Variants in GAB1 observed in about 807,000 individuals in gnomAD.
GAB1 encodes GRB2 associated binding protein 1, also known as GRB2-associated-binding protein 1.
In GAB1, 19 loss-of-function variants were observed where a neutral mutation model predicts 66.5. The observed-to-expected ratio is 0.29, with a 90% CI of 0.20 to 0.42. The LOEUF (loss-of-function observed/expected upper bound fraction) is 0.42, where lower values mean the gene tolerates loss of function less well. GAB1 is among the 10% of genes least tolerant of loss of function. The pLI, the probability that GAB1 is intolerant of heterozygous loss-of-function variation, is 1.00. For synonymous variants in GAB1, 294 were observed against 301.4 expected, an observed-to-expected ratio of 0.98 and a Z score of 0.25; for missense variants, 732 against 858.5, an observed-to-expected ratio of 0.85 and a Z score of 1.84.
Position 143,466,115 on chromosome 4 carries a change from A to C in GAB1, c.1816A>C (p.Ser606Arg). The C allele has an allele frequency of 1.2e-6, 2 of 1,613,742 alleles. No individual in the cohort carries two copies. The highest frequency in any genetic ancestry group is 1.7e-6 in the Non-Finnish European group (2 of 1,179,752). ...CTAATACTTTCAGAATCTCTTTGGC[A>C]GTAACAGTCTTGATGGAGGAAGCAG... The part of the protein sequence containing the change: ...LSSEDPNLFG[S>R]NSLDGGSSPM... The change falls in exon 9 of 10, where the codon AGT (serine) becomes CGT (arginine). Residue 606 changes from serine (S) to arginine (R), a missense_variant. This residue lies in a region of GAB1 where 204 missense variants were observed against 276.8 expected (regional missense o/e 0.74). Coordinates refer to ENST00000262994, the MANE Select transcript of GAB1 (RefSeq NM_002039.4).
chr4:143,460,661 A>C (rs1735442367), intron 8 of GAB1, among the ~76,000 whole-genome samples, 174 bp downstream of exon 8: 1 of 152,180 alleles, frequency 6.6e-6, no homozygotes, highest in Non-Finnish European at 1.5e-5. Context: ...AAACCAATAA[A>C]AGGTGAAAGT....
chr4:143,390,685 C>T (rs959297435), intron 1 of GAB1, among the ~76,000 whole-genome samples: 1 of 152,062 alleles, frequency 6.6e-6, no homozygotes, highest in Non-Finnish European at 1.5e-5. Context: ...GGCCAAAGAG[C>T]CCCCAAAATA....
At chr4:143,422,807 A>G (rs895207742) in intron 2 of GAB1, among the ~76,000 whole-genome samples, 3 of 152,214 alleles carry the variant, frequency 2.0e-5, no homozygotes, top group African/African-American at 7.2e-5. Context: ...GTAAATTTCA[A>G]TTAGGAGTTT....
rs1560726035 is a variant in GAB1 at position 143,373,886 on chromosome 4, T to TATATATATATATATATATA, written c.72+36626_72+36627insATATATATATATATATATA. Reference sequence around the variant, plus strand: ...ATAAATAAATATATATATATATATATTTTTACCTTTCTAACATTGCAGGGA... The same window carrying TATATATATATATATATATA: ...ATAAATAAATATATATATATATATATATATATATATATATATATATTTTACCTTTCTAACATTGCAGGGA... On this transcript the variant is annotated intron_variant, in intron 1 of 9. Coordinates refer to ENST00000262994, the MANE Select transcript of GAB1 (RefSeq NM_002039.4). Among the ~76,000 whole-genome samples the TATATATATATATATATATA allele has an allele frequency of 8.7e-4, 112 of 128,192 alleles. 5 individuals are homozygous for TATATATATATATATATATA. Among genetic ancestry groups the TATATATATATATATATATA allele is most frequent in the Non-Finnish European group, 1.2e-3 (77 of 62,950 alleles). The allele number at this position is 128,192 out of a possible 152,430, so 84.1% of individuals were successfully genotyped here. A position where few individuals can be genotyped will look rare whatever the true frequency, so the allele number is the denominator to read the frequency against.
At chr4:143,425,445 TAG>T (rs1426437358) in intron 2 of GAB1, 3 of 759,714 alleles carry the variant, frequency 3.9e-6, no homozygotes, top group African/African-American at 3.4e-5. Context: ...CAGCCTCTCA[TAG>T]AGAGAGGCAT....
chr4:143,363,820 G>A (rs905723824), intron 1 of GAB1, among the ~76,000 whole-genome samples: 2 of 152,110 alleles, frequency 1.3e-5, no homozygotes, highest in African/African-American at 4.8e-5. Context: ...CCCAGGCAGT[G>A]AGCAGCCTAG....
chr4:143,423,708 C>T (rs1452382285), intron 2 of GAB1, among the ~76,000 whole-genome samples: 7 of 144,762 alleles, frequency 4.8e-5, no homozygotes, highest in African/African-American at 1.0e-4. Context: ...ACCCGGGAGG[C>T]GGAGCTTGCA....
rs182281325 is a variant in GAB1 at position 143,414,558 on chromosome 4, A to C, written c.73-919A>C. 1.8e-3 allele frequency among the ~76,000 whole-genome samples: 278 copies of C among 152,304 alleles called. 2 individuals are homozygous for C. The highest frequency in any genetic ancestry group is 6.6e-3 in the African/African-American group (275 of 41,566). ...TCAAGAATACAGGTCTTACTCGTAT[A>C]GTCTTTGAACAACAGGCTGTGTGGC... On this transcript the variant is annotated intron_variant, in intron 1 of 9. Coordinates refer to ENST00000262994, the MANE Select transcript of GAB1 (RefSeq NM_002039.4).
At chr4:143,356,321 G>A (rs910507974) in intron 1 of GAB1, among the ~76,000 whole-genome samples, 4 of 152,110 alleles carry the variant, frequency 2.6e-5, no homozygotes, top group Non-Finnish European at 5.9e-5. Flanking sequence ...TCTATGCAAT[G>A]TGTAAATGCT....
intron 1 of GAB1, among the ~76,000 whole-genome samples, chr4:143,338,712 G>GGTGT (rs56381817): frequency 3.3e-5 from 5 of 149,288 alleles, no homozygotes; most frequent in South Asian, 2.1e-4. Context: ...GAAAGGTAGG[G>GGTGT]GTGTGTGTGT....
intron 2 of GAB1, among the ~76,000 whole-genome samples, chr4:143,430,502 T>TA (rs1371025813): frequency 6.6e-6 from 1 of 152,212 alleles, no homozygotes; most frequent in Non-Finnish European, 1.5e-5. Flanking sequence ...CCAGGAGCCC[T>TA]CTGTAGCATC....
chr4:143,387,455 C>G (rs1474161582), intron 1 of GAB1, among the ~76,000 whole-genome samples: 1 of 152,144 alleles, frequency 6.6e-6, no homozygotes, highest in African/African-American at 2.4e-5. Flanking sequence ...AAGCAATGTT[C>G]AGGGACAGAT....
chr4:143,356,805 G>T (rs1433352075), intron 1 of GAB1, among the ~76,000 whole-genome samples: 2 of 152,144 alleles, frequency 1.3e-5, no homozygotes, highest in African/African-American at 2.4e-5. Flanking sequence ...CAAAATGGGG[G>T]TTTCTGCGAG....
At chr4:143,417,694 C>T (rs1732766866) in intron 2 of GAB1, 1 of 160,132 alleles carries the variant, frequency 6.2e-6, no homozygotes, top group Non-Finnish European at 1.4e-5. Flanking sequence ...AGGCATGAGC[C>T]ACCACACCTG....
intron 1 of GAB1, among the ~76,000 whole-genome samples, chr4:143,374,189 A>C (rs1212464500): frequency 6.6e-6 from 1 of 151,948 alleles, no homozygotes; most frequent in Non-Finnish European, 1.5e-5. Flanking sequence ...GAACCCATAC[A>C]TTTTGGTGGC....
chr4:143,362,090 A>G (rs1337982001), intron 1 of GAB1, among the ~76,000 whole-genome samples: 1 of 152,000 alleles, frequency 6.6e-6, no homozygotes, highest in African/African-American at 2.4e-5. Context: ...TTTTCCAAAC[A>G]TAGGAAGGAA....
Position 143,438,259 on chromosome 4 carries a change from A to C in GAB1, c.854A>C (p.Tyr285Ser). 4 of 1,614,114 alleles carry C rather than the reference A, an allele frequency of 2.5e-6. No homozygotes were observed. The highest frequency in any genetic ancestry group is 3.4e-6 in the Non-Finnish European group (4 of 1,180,002). Residue 285 changes from tyrosine (Y) to serine (S), a missense_variant, in exon 4 of 10, where the codon TAT becomes TCT. This residue lies in a region of GAB1 where 427 missense variants were observed against 420.6 expected (regional missense o/e 1.02). Coordinates refer to ENST00000262994, the MANE Select transcript of GAB1 (RefSeq NM_002039.4). ...AGTACTGAAGCAGATGGAGAACTCT[A>C]TGTTTTTAATACCCCATCTGGGACA... The part of the protein sequence containing the change: ...PSSTEADGEL[Y>S]VFNTPSGTSS...
intron 1 of GAB1, among the ~76,000 whole-genome samples, chr4:143,344,169 C>T (rs1449686376): frequency 1.3e-5 from 2 of 152,180 alleles, no homozygotes; most frequent in East Asian, 3.8e-4. Flanking sequence ...TCATTTGCTT[C>T]TGAGTTCCAG....
At chr4:143,430,993 G>A (rs143350055) in intron 2 of GAB1, among the ~76,000 whole-genome samples, 6 of 152,168 alleles carry the variant, frequency 3.9e-5, no homozygotes, top group South Asian at 4.1e-4. Context: ...TTAAAGTCAC[G>A]TGAACTAAAA....
Sources: allele counts gnomAD v4.1 joint callset (sites outside exome capture counted in the v4.1 genomes callset), GRCh38; gene constraint gnomAD v4.1.1; regional missense constraint gnomAD v4.1.1; transcripts MANE v1.5; gene names NCBI Gene and HGNC (gene_info 2026-07-23, HGNC 2026-07-21).